The following EML4 variants were observed in gnomAD, a reference collection of about 807,000 sequenced individuals.
The protein encoded by EML4 is EMAP like 4.
A neutral mutation model predicts 129.0 loss-of-function variants in EML4; 72 were observed. The observed-to-expected ratio is 0.56, with a 90% CI of 0.46 to 0.68. The LOEUF (loss-of-function observed/expected upper bound fraction) is 0.68. Among genes scored for constraint, EML4 ranks in the 30% least tolerant of loss-of-function variants. The pLI, the probability that EML4 is intolerant of heterozygous loss-of-function variation, is 0.00. For missense variants in EML4, 1,363 were observed against 1,190.6 expected, an observed-to-expected ratio of 1.14 and a Z score of -2.13; for synonymous variants, 532 against 405.0, an observed-to-expected ratio of 1.31 and a Z score of -3.77.
chr2:42,321,598 TC>T (rs1669526282), intron 19 of EML4, among the ~76,000 whole-genome samples: 1 of 152,014 alleles, frequency 6.6e-6, no homozygotes, highest in Non-Finnish European at 1.5e-5. Context: ...GAGCACTCCT[TC>T]CACTAAGTCA....
chr2:42,216,159 A>G (rs530143937), intron 1 of EML4, among the ~76,000 whole-genome samples: 28 of 142,562 alleles, frequency 2.0e-4, no homozygotes, highest in African/African-American at 6.9e-4. Context: ...ACCTCAGGTG[A>G]TCTGCCTGCC....
At chr2:42,301,537 G>A in intron 14 of EML4, 145 bp downstream of exon 14, 1 of 581,188 alleles carries the variant, frequency 1.7e-6, no homozygotes, top group Non-Finnish European at 2.7e-6. Context: ...GTTTGTTGTT[G>A]CCTTTAAGAT....
At chr2:42,190,786 T>C (rs1671536083) in intron 1 of EML4, among the ~76,000 whole-genome samples, 1 of 152,226 alleles carries the variant, frequency 6.6e-6, no homozygotes, top group Non-Finnish European at 1.5e-5. Context: ...CCATAAACAA[T>C]ATGTAAACAA....
chr2:42,237,751 G>C (rs985312393), intron 1 of EML4, among the ~76,000 whole-genome samples: 1 of 152,132 alleles, frequency 6.6e-6, no homozygotes, highest in African/African-American at 2.4e-5. Flanking sequence ...TATTAAGAAA[G>C]TCATAAGGAA....
chr2:42,285,458 A>C (rs936967980), intron 9 of EML4, among the ~76,000 whole-genome samples: 16 of 152,234 alleles, frequency 1.1e-4, no homozygotes, highest in South Asian at 2.1e-4. Flanking sequence ...TTCAAATGCT[A>C]TTTAAGGGCT....
At position 42,221,230 on chromosome 2, in the gene EML4, A is replaced by G. The variant is rs557002473; in HGVS notation, c.26-24275A>G. Reference sequence around the variant, plus strand: ...AGAAGCCAATGCCTGGCTTCAAAGGACAAGCTGACTGTTGAGGGGGTATTG... The same window carrying G: ...AGAAGCCAATGCCTGGCTTCAAAGGGCAAGCTGACTGTTGAGGGGGTATTG... On this transcript the variant is annotated intron_variant, in intron 1 of 22. Coordinates refer to ENST00000318522, the MANE Select transcript of EML4 (RefSeq NM_019063.5). Among the ~76,000 whole-genome samples the G allele has an allele frequency of 1.6e-3, 245 of 152,156 alleles. 1 individual carries two copies. The highest frequency in any genetic ancestry group is 5.7e-3 in the African/African-American group (237 of 41,536).
At chr2:42,317,219 C>T (rs757289750) in intron 18 of EML4, among the ~76,000 whole-genome samples, 3 of 152,166 alleles carry the variant, frequency 2.0e-5, no homozygotes, top group Non-Finnish European at 4.4e-5. Context: ...GCCTAGAGTC[C>T]AAGGCCTGTA....
At chr2:42,284,894 T>C (rs1184944002) in intron 9 of EML4, among the ~76,000 whole-genome samples, 191 bp downstream of exon 9, 1 of 152,150 alleles carries the variant, frequency 6.6e-6, no homozygotes, top group African/African-American at 2.4e-5. Flanking sequence ...CTAATAAATT[T>C]TGTTTTTAAA....
At chr2:42,195,585 A>G (rs984702088) in intron 1 of EML4, among the ~76,000 whole-genome samples, 1 of 152,186 alleles carries the variant, frequency 6.6e-6, no homozygotes, top group African/African-American at 2.4e-5. Flanking sequence ...CAATATATAG[A>G]CCATTCCATA....
intron 1 of EML4, among the ~76,000 whole-genome samples, chr2:42,216,029 G>C (rs1572559570): frequency 2.0e-5 from 3 of 149,966 alleles, no homozygotes; most frequent in Non-Finnish European, 4.4e-5. Flanking sequence ...AAGCAATTCT[G>C]CTGTCTCAGC....
At chr2:42,206,956 G>T (rs991581923) in intron 1 of EML4, among the ~76,000 whole-genome samples, 2 of 151,972 alleles carry the variant, frequency 1.3e-5, no homozygotes, top group African/African-American at 4.8e-5. Flanking sequence ...ATACCTTTTG[G>T]TTGGTCAAAA....
At chr2:42,270,001 T>C (rs1383869302) in intron 6 of EML4, among the ~76,000 whole-genome samples, 1 of 152,188 alleles carries the variant, frequency 6.6e-6, no homozygotes, top group African/African-American at 2.4e-5. Flanking sequence ...GTTAGATAAC[T>C]CATAACTTTG....
At chr2:42,193,260 A>G (rs143509294) in intron 1 of EML4, among the ~76,000 whole-genome samples, 60 of 152,330 alleles carry the variant, frequency 3.9e-4, no homozygotes, top group African/African-American at 1.3e-3. Flanking sequence ...AGGCTATACC[A>G]TCTAGGTTTG....
At chr2:42,214,799 T>A (rs1355094440) in intron 1 of EML4, among the ~76,000 whole-genome samples, 1 of 152,186 alleles carries the variant, frequency 6.6e-6, no homozygotes, top group Non-Finnish European at 1.5e-5. Flanking sequence ...GTATGGTGGC[T>A]CAGAGTAGTT....
intron 14 of EML4, among the ~76,000 whole-genome samples, chr2:42,301,932 C>G (rs1355009863): frequency 1.3e-5 from 2 of 152,200 alleles, no homozygotes; most frequent in East Asian, 1.9e-4. Context: ...CTAGTTCACT[C>G]CTTCCTTTCC....
chr2:42,275,134 T>A (rs1666586097), intron 6 of EML4, among the ~76,000 whole-genome samples: 1 of 152,184 alleles, frequency 6.6e-6, no homozygotes, highest in Non-Finnish European at 1.5e-5. Context: ...CTAGTCAAAT[T>A]TTTAAAAAGT....
chr2:42,329,651 C>T (rs1422841098), intron 22 of EML4, 83 bp from the exon 23 acceptor site: 6 of 1,143,148 alleles, frequency 5.2e-6, no homozygotes, highest in African/African-American at 1.5e-5. Flanking sequence ...GAGTTTACCC[C>T]CCTTACGTAT....
At chr2:42,281,913 C>T (rs1368891700) in intron 7 of EML4, among the ~76,000 whole-genome samples, 1 of 152,206 alleles carries the variant, frequency 6.6e-6, no homozygotes, top group Non-Finnish European at 1.5e-5. Flanking sequence ...TTATTCCCTT[C>T]TTAGGCAGAT....
intron 6 of EML4, among the ~76,000 whole-genome samples, chr2:42,279,289 C>T (rs1666868722): frequency 6.6e-6 from 1 of 152,162 alleles, no homozygotes; most frequent in Non-Finnish European, 1.5e-5. Context: ...ATCCTAATTT[C>T]AGTTCTTCTA....
Sources: gnomAD v4.1 joint callset for allele counts (sites outside exome capture counted in the v4.1 genomes callset) on GRCh38, gnomAD v4.1.1 for gene constraint, MANE v1.5 for transcripts, NCBI Gene and HGNC (gene_info 2026-07-23, HGNC 2026-07-21) for gene names.